TFEC: variants seen among roughly 807,000 people sequenced by gnomAD.
The protein encoded by TFEC is class E basic helix-loop-helix protein 34.
Under a neutral mutation model 41.6 loss-of-function variants are expected in TFEC, and 31 were observed. The observed-to-expected ratio is 0.74, with a 90% CI of 0.56 to 1.01. The LOEUF is 1.01. TFEC is among the 50% of genes least tolerant of loss of function. The pLI is 0.00. For synonymous variants in TFEC, 143 were observed against 140.6 expected (o/e 1.02, Z -0.12); for missense variants, 402 against 404.1 (o/e 0.99, Z 0.04).
At chr7:116,146,439 G>T (rs926362906) in intron 1 of TFEC, among the ~76,000 whole-genome samples, 7 of 152,332 alleles carry the variant, frequency 4.6e-5, no homozygotes, top group African/African-American at 1.4e-4. Flanking sequence ...CCTCTGAGTG[G>T]AGGGCAGAAA....
intron 3 of TFEC, among the ~76,000 whole-genome samples, chr7:116,054,315 G>A (rs1454530529): frequency 1.3e-5 from 2 of 152,076 alleles, no homozygotes; most frequent in Non-Finnish European, 2.9e-5. Flanking sequence ...TGGAAGGCTT[G>A]AAATTAAAGA....
At chr7:115,951,085 A>C in intron 5 of TFEC, 136 bp from the exon 6 acceptor site, 1 of 439,244 alleles carries the variant, frequency 2.3e-6, no homozygotes, top group Non-Finnish European at 4.0e-6. Flanking sequence ...ATACTTCTCA[A>C]GAATAAAATA....
chr7:115,960,679 C>G (rs535931892), intron 3 of TFEC, among the ~76,000 whole-genome samples: 1 of 151,484 alleles, frequency 6.6e-6, no homozygotes, highest in Admixed American at 6.6e-5. Context: ...GAAAACATAT[C>G]AATAATAATA....
Position 115,993,892 on chromosome 7 carries a change from T to G in TFEC, c.-72-9379A>C, listed in dbSNP as rs181556163. Among the ~76,000 whole-genome samples the G allele has an allele frequency of 1.2e-4, 19 of 152,276 alleles. 1 individual carries two copies. Among genetic ancestry groups the G allele is most frequent in the Middle Eastern group, 3.4e-3 (1 of 294 alleles). On this transcript the variant is annotated intron_variant, in intron 1 of 7. Transcript: ENST00000265440. Reference sequence around the variant, plus strand: ...TATGGAACCAGAAAAGAGCCCACACTGCCAAGAAAATCCTAAGCCAAAAGA... The same window carrying G: ...TATGGAACCAGAAAAGAGCCCACACGGCCAAGAAAATCCTAAGCCAAAAGA...
At chr7:116,042,964 T>C (rs1796075539) in intron 3 of TFEC, among the ~76,000 whole-genome samples, 1 of 152,168 alleles carries the variant, frequency 6.6e-6, no homozygotes. Context: ...TGATCACAAA[T>C]ACATGTACTT....
chr7:115,957,621 G>GAACAGAATCCAGAA (rs1792305436), intron 3 of TFEC, among the ~76,000 whole-genome samples: 1 of 151,872 alleles, frequency 6.6e-6, no homozygotes, highest in Admixed American at 6.6e-5. Flanking sequence ...AGAACAAGCT[G>GAACAGAATCCAGAA]CATTCACTAT....
chr7:115,987,133 G>C (rs1004547225), intron 1 of TFEC, among the ~76,000 whole-genome samples: 2 of 152,162 alleles, frequency 1.3e-5, no homozygotes, highest in African/African-American at 4.8e-5. Flanking sequence ...TTGATTATCT[G>C]TGAGGAATTA....
rs145559105 is a variant in TFEC, at chr7:116,040,696, G to A, written c.199-56183C>T. ...GGCAAATGCAATGCACATGCACAACGCCTAGCTTCTAACATCATGGCTGTT... is the reference window on the plus strand; with the variant it reads ...GGCAAATGCAATGCACATGCACAACACCTAGCTTCTAACATCATGGCTGTT... On this transcript the variant is annotated intron_variant, in intron 3 of 8. Coordinates refer to the TFEC transcript ENST00000484212. 4.1e-3 allele frequency among the ~76,000 whole-genome samples: 621 copies of A among 152,150 alleles called. 6 individuals are homozygous for A. The highest frequency in any genetic ancestry group is 0.014 in the African/African-American group (589 of 41,524).
At position 116,130,527 on chromosome 7, in the gene TFEC, A is replaced by C. The variant is rs1035348866; in HGVS notation, c.-68-18489T>G. 1.1e-4 allele frequency among the ~76,000 whole-genome samples: 17 copies of C among 152,276 alleles called. No individual in the cohort carries two copies. In the East Asian group the frequency reaches 1.9e-3, roughly 17 times the overall value. ...AGAATCTCGAGTTTAAAAACATACA[A>C]ATTTCCAGATAATCATTCCAGTTAG... On this transcript the variant is annotated intron_variant, in intron 1 of 8. Transcript: ENST00000484212.
intron 3 of TFEC, among the ~76,000 whole-genome samples, chr7:116,062,560 C>CATAT (rs57742551): frequency 0.049 from 4,935 of 100,224 alleles, 161 homozygotes; most frequent in Non-Finnish European, 0.053. Context: ...GAGTAGTACT[C>CATAT]ATATATATAT....
At chr7:115,986,024 T>G (rs1018886943) in intron 1 of TFEC, among the ~76,000 whole-genome samples, 1 of 152,196 alleles carries the variant, frequency 6.6e-6, no homozygotes. Context: ...ATATGTTGAA[T>G]CAGAATTTAC....
At chr7:116,138,371 T>C (rs1562983497) in intron 1 of TFEC, among the ~76,000 whole-genome samples, 1 of 152,194 alleles carries the variant, frequency 6.6e-6, no homozygotes, top group Non-Finnish European at 1.5e-5. Context: ...TGTTCCATTC[T>C]GACTTTTGTC....
intron 3 of TFEC, among the ~76,000 whole-genome samples, chr7:116,073,297 T>C (rs2131029883): frequency 6.6e-6 from 1 of 151,956 alleles, no homozygotes; most frequent in East Asian, 1.9e-4. Flanking sequence ...AAGTTTGTAT[T>C]CTAAAACTCC....
intron 3 of TFEC, among the ~76,000 whole-genome samples, chr7:116,065,902 C>A (rs936596527): frequency 2.0e-5 from 3 of 152,212 alleles, no homozygotes; most frequent in Non-Finnish European, 4.4e-5. Context: ...ACTGGAGCTA[C>A]ATGGTGCCAA....
intron 2 of TFEC, among the ~76,000 whole-genome samples, chr7:115,980,805 G>C (rs951775647): frequency 2.0e-5 from 3 of 151,332 alleles, no homozygotes; most frequent in Admixed American, 2.0e-4. Flanking sequence ...AAAAAAAGGA[G>C]ATAATAGTAA....
rs146031041 is a variant in TFEC at position 115,974,874 on chromosome 7, A to C, written c.181-618T>G. On this transcript the variant is annotated intron_variant, in intron 2 of 7. Transcript: ENST00000265440. ...AGCAATAATTATGAACATTTTAAAT[A>C]GTAACAATAAAAATCACTTTTATAG... Among the ~76,000 whole-genome samples, 26 of 152,194 alleles carry C rather than the reference A, an allele frequency of 1.7e-4. No homozygotes were observed. The East Asian group carries it at 4.6e-3, about 27-fold the overall frequency.
intron 3 of TFEC, among the ~76,000 whole-genome samples, chr7:116,104,612 C>T (rs933524748): frequency 6.6e-6 from 1 of 152,180 alleles, no homozygotes; most frequent in South Asian, 2.1e-4. Flanking sequence ...ACAGACAATG[C>T]ACAGTTGTTT....
At chr7:116,105,512 C>A (rs1430569361) in intron 3 of TFEC, among the ~76,000 whole-genome samples, 1 of 152,170 alleles carries the variant, frequency 6.6e-6, no homozygotes, top group Non-Finnish European at 1.5e-5. Flanking sequence ...TGCAGGCCCC[C>A]AGTGGATGAG....
At chr7:116,021,596 C>G (rs1353877050) in intron 1 of TFEC, among the ~76,000 whole-genome samples, 1 of 152,136 alleles carries the variant, frequency 6.6e-6, no homozygotes, top group African/African-American at 2.4e-5. Flanking sequence ...ATTTCAAATA[C>G]AGTTATTTAA....
Sources: allele counts gnomAD v4.1 joint callset (sites outside exome capture counted in the v4.1 genomes callset), GRCh38; gene constraint gnomAD v4.1.1; transcripts MANE v1.5; gene names NCBI Gene and HGNC (gene_info 2026-07-23, HGNC 2026-07-21).